The following DPF3 variants were observed in gnomAD, a reference collection of about 807,000 sequenced individuals.
The protein encoded by DPF3 is double PHD fingers 3, also known as zinc finger protein DPF3.
A neutral mutation model predicts 56.8 loss-of-function variants in DPF3; 18 were observed. The ratio of observed to expected loss-of-function variants is 0.32; its 90% confidence interval spans 0.22 to 0.47. The LOEUF (loss-of-function observed/expected upper bound fraction) is 0.47. DPF3 is among the 20% of genes least tolerant of loss of function. The probability of loss-of-function intolerance (pLI) is 1.00; values close to 1 mark genes in which losing one functional copy is unlikely to be tolerated. For synonymous variants in DPF3, 188 were observed against 180.2 expected, an observed-to-expected ratio of 1.04 and a Z score of -0.35; for missense variants, 403 against 488.8, an observed-to-expected ratio of 0.82 and a Z score of 1.65.
chr14:72,815,371 TACAC>T (rs1357733667), intron 1 of DPF3, among the ~76,000 whole-genome samples: 5 of 152,250 alleles, frequency 3.3e-5, no homozygotes, highest in African/African-American at 1.2e-4. Context: ...CTACGACTCT[TACAC>T]ACTGCGTGTG....
chr14:72,677,154 G>C (rs1456924165), intron 7 of DPF3, among the ~76,000 whole-genome samples: 1 of 152,218 alleles, frequency 6.6e-6, no homozygotes, highest in Admixed American at 6.5e-5. Flanking sequence ...GGTATGTGCA[G>C]GAGTGACATG....
chr14:72,630,532 G>C (rs1456145830), intron 8 of DPF3, among the ~76,000 whole-genome samples: 2 of 152,148 alleles, frequency 1.3e-5, no homozygotes, highest in Admixed American at 6.5e-5. Flanking sequence ...CCCAAGACTT[G>C]GCCTGTGGAA....
At chr14:72,627,228 A>G (rs541105073) in intron 9 of DPF3, among the ~76,000 whole-genome samples, 18 of 152,188 alleles carry the variant, frequency 1.2e-4, no homozygotes, top group African/African-American at 3.8e-4. Flanking sequence ...CTTTTCCTGT[A>G]TTTAGATTAA....
At chr14:72,628,690 A>G (rs1555489899) in intron 9 of DPF3, among the ~76,000 whole-genome samples, 1 of 151,616 alleles carries the variant, frequency 6.6e-6, no homozygotes, top group Non-Finnish European at 1.5e-5. Context: ...AGAGAGAGAG[A>G]TAAAGACAGA....
intron 2 of DPF3, among the ~76,000 whole-genome samples, chr14:72,759,508 A>AAGAGAGAGAGAG (rs34502740): frequency 2.0e-5 from 3 of 147,614 alleles, no homozygotes; most frequent in African/African-American, 7.4e-5. Context: ...GTCTCCACAA[A>AAGAGAGAGAGAG]AGAGAGAGAG....
intron 3 of DPF3, among the ~76,000 whole-genome samples, chr14:72,737,203 A>G (rs903771235): frequency 9.4e-5 from 14 of 149,258 alleles, no homozygotes; most frequent in Admixed American, 7.4e-4. Flanking sequence ...AAAAACAAAC[A>G]AACAAACAAA....
At chr14:72,710,139 C>T (rs146727965) in intron 6 of DPF3, among the ~76,000 whole-genome samples, 345 of 152,296 alleles carry the variant, frequency 2.3e-3, no homozygotes, top group African/African-American at 7.8e-3. Context: ...CAGAAAAATT[C>T]GGGCTTGGGA....
At chr14:72,720,698 G>A (rs545863321) in intron 5 of DPF3, among the ~76,000 whole-genome samples, 1 of 152,348 alleles carries the variant, frequency 6.6e-6, no homozygotes, top group Admixed American at 6.5e-5. Flanking sequence ...CATGAACTCA[G>A]AGGAGAAAGC....
chr14:72,854,703 ACTC>A (rs1234269481), intron 1 of DPF3, among the ~76,000 whole-genome samples: 1 of 151,932 alleles, frequency 6.6e-6, no homozygotes, highest in African/African-American at 2.4e-5. Flanking sequence ...GGTCTCTTGA[ACTC>A]CTAGTGTTTG....
intron 1 of DPF3, among the ~76,000 whole-genome samples, chr14:72,877,167 C>T (rs1329996016): frequency 6.6e-6 from 1 of 152,098 alleles, no homozygotes; most frequent in East Asian, 1.9e-4. Flanking sequence ...AGCTCTTAGT[C>T]AAGAAATGAA....
intron 7 of DPF3, among the ~76,000 whole-genome samples, chr14:72,676,151 ATAGGGTATAC>A (rs1367021754): frequency 6.6e-6 from 1 of 152,198 alleles, no homozygotes; most frequent in African/African-American, 2.4e-5. Context: ...GAAAGAAGAG[ATAGGGTATAC>A]TAAATTTAGG....
chr14:72,829,658 A>G (rs1883970504), intron 1 of DPF3, among the ~76,000 whole-genome samples: 1 of 152,192 alleles, frequency 6.6e-6, no homozygotes, highest in South Asian at 2.1e-4. Flanking sequence ...TGCTGGGATT[A>G]CAGACGTGAG....
chr14:72,789,848 C>G (rs984189757), intron 1 of DPF3, among the ~76,000 whole-genome samples: 3 of 152,132 alleles, frequency 2.0e-5, no homozygotes, highest in Non-Finnish European at 2.9e-5. Context: ...TGGTGCTCCT[C>G]CTCCTTAGGA....
chr14:72,670,557 C>T (rs74062335), intron 8 of DPF3: 7 of 987,252 alleles, frequency 7.1e-6, no homozygotes, highest in African/African-American at 7.0e-5. Flanking sequence ...ATAGTGCAAC[C>T]GTCTCCCATT....
chr14:72,867,047 G>T (rs1470158767), intron 1 of DPF3, among the ~76,000 whole-genome samples: 3 of 137,684 alleles, frequency 2.2e-5, no homozygotes, highest in Admixed American at 2.1e-4. Flanking sequence ...ATTTCAACAG[G>T]ACGGCTTTTA....
chr14:72,796,439 G>T (rs558990534), intron 1 of DPF3, among the ~76,000 whole-genome samples: 68 of 152,208 alleles, frequency 4.5e-4, no homozygotes, highest in African/African-American at 1.5e-3. Flanking sequence ...GGAGGCGGAG[G>T]TTACAATAAG....
rs1884123586 is a variant in DPF3, at chr14:72,616,880, C to T, written c.*2417G>A. On this transcript the variant is annotated 3_prime_UTR_variant, in exon 11 of 11. Transcript: ENST00000556509. ...CTTTTGTCTGCTTGTAGTACCCTGA[C>T]AGTGCCAGCCCACAAGCTGGCTTGC... 6.6e-6 allele frequency among the ~76,000 whole-genome samples: 1 copy of T among 152,208 alleles called. No homozygotes were observed. The highest frequency in any genetic ancestry group is 2.4e-5 in the African/African-American group (1 of 41,454).
intron 6 of DPF3, among the ~76,000 whole-genome samples, chr14:72,710,448 G>A (rs1888604161): frequency 6.6e-6 from 1 of 152,242 alleles, no homozygotes; most frequent in Non-Finnish European, 1.5e-5. Context: ...AGAATGTCCA[G>A]ATGCAAAAAG....
At chr14:72,710,683 C>G (rs1275499632) in intron 6 of DPF3, among the ~76,000 whole-genome samples, 1 of 152,196 alleles carries the variant, frequency 6.6e-6, no homozygotes, top group Admixed American at 6.5e-5. Flanking sequence ...GCAGCTGGTC[C>G]GGGCCTACAC....
Sources: allele counts gnomAD v4.1 joint callset (sites outside exome capture counted in the v4.1 genomes callset), GRCh38; gene constraint gnomAD v4.1.1; transcripts MANE v1.5; gene names NCBI Gene and HGNC (gene_info 2026-07-23, HGNC 2026-07-21).